DPP10: variants seen among roughly 807,000 people sequenced by gnomAD.
The protein encoded by DPP10 is inactive dipeptidyl peptidase 10.
DPP10 carries 33 observed loss-of-function variants against 120.9 expected under a neutral mutation model. That is an observed-to-expected ratio of 0.27 (90% CI 0.21 to 0.37). The LOEUF (loss-of-function observed/expected upper bound fraction) is 0.37, where lower values mean the gene tolerates loss of function less well. Among genes scored for constraint, DPP10 ranks in the 10% least tolerant of loss-of-function variants. DPP10 has a pLI of 1.00. For synonymous variants in DPP10, 337 were observed against 326.1 expected, an observed-to-expected ratio of 1.03 and a Z score of -0.36; for missense variants, 816 against 942.8, an observed-to-expected ratio of 0.87 and a Z score of 1.76.
chr2:115,674,984 T>G (rs1218306039), intron 5 of DPP10, among the ~76,000 whole-genome samples: 1 of 152,210 alleles, frequency 6.6e-6, no homozygotes, highest in African/African-American at 2.4e-5. Flanking sequence ...ACATTAATCT[T>G]TATAGATGTC....
At chr2:115,566,915 A>G (rs953999541) in intron 5 of DPP10, among the ~76,000 whole-genome samples, 6 of 152,096 alleles carry the variant, frequency 3.9e-5, no homozygotes, top group African/African-American at 1.4e-4. Context: ...CTGTGTTTTT[A>G]TATTCCTACT....
At chr2:115,473,496 C>T (rs1015806476) in intron 3 of DPP10, among the ~76,000 whole-genome samples, 3 of 152,148 alleles carry the variant, frequency 2.0e-5, no homozygotes, top group South Asian at 4.1e-4. Context: ...AGCCCAATTA[C>T]ATTCTTGGCA....
chr2:114,504,000 A>C (rs1239777541), intron 1 of DPP10, among the ~76,000 whole-genome samples: 6 of 152,220 alleles, frequency 3.9e-5, no homozygotes, highest in Non-Finnish European at 5.9e-5. Flanking sequence ...GATATGTTTT[A>C]ACCAAGTGTA....
intron 1 of DPP10, among the ~76,000 whole-genome samples, chr2:114,720,497 C>T (rs148773183): frequency 6.6e-5 from 10 of 152,168 alleles, no homozygotes; most frequent in Non-Finnish European, 2.9e-5. Context: ...CTAAATAAAA[C>T]ACATTTTCCT....
chr2:114,857,619 G>T (rs1689474005), intron 1 of DPP10, among the ~76,000 whole-genome samples: 1 of 152,218 alleles, frequency 6.6e-6, no homozygotes, highest in South Asian at 2.1e-4. Context: ...TTTTGGGAGA[G>T]GATTTTGGAC....
At chr2:115,323,470 T>C in intron 2 of DPP10, among the ~76,000 whole-genome samples, 1 of 152,206 alleles carries the variant, frequency 6.6e-6, no homozygotes, top group East Asian at 1.9e-4. Context: ...CAAACTCCTG[T>C]TAATGTTGAT....
chr2:115,371,544 G>A (rs1039143916), intron 3 of DPP10, among the ~76,000 whole-genome samples: 1 of 151,816 alleles, frequency 6.6e-6, no homozygotes. Flanking sequence ...TGATTGTTCT[G>A]CCCTTTTCAA....
At chr2:114,976,259 C>T (rs1191090938) in intron 1 of DPP10, among the ~76,000 whole-genome samples, 1 of 151,992 alleles carries the variant, frequency 6.6e-6, no homozygotes, top group African/African-American at 2.4e-5. Flanking sequence ...TCTACCTTCC[C>T]TCTGATTTTG....
chr2:114,800,459 C>G (rs983487387), intron 1 of DPP10, among the ~76,000 whole-genome samples: 2 of 152,094 alleles, frequency 1.3e-5, no homozygotes, highest in Non-Finnish European at 2.9e-5. Flanking sequence ...ACTTCACATA[C>G]GAGGAATGCT....
intron 13 of DPP10, among the ~76,000 whole-genome samples, chr2:115,775,830 GC>G (rs1386504957): frequency 6.6e-6 from 1 of 151,916 alleles, no homozygotes; most frequent in Non-Finnish European, 1.5e-5. Context: ...GAACAGAAAT[GC>G]AAAATTTACT....
At chr2:115,645,207 T>TTA (rs1182695457) in intron 5 of DPP10, among the ~76,000 whole-genome samples, 2 of 152,200 alleles carry the variant, frequency 1.3e-5, no homozygotes, top group Admixed American at 1.3e-4. Context: ...TTTCCTTATG[T>TTA]TATAGGCCAA....
At chr2:115,615,610 A>G (rs1472428206) in intron 5 of DPP10, among the ~76,000 whole-genome samples, 1 of 152,210 alleles carries the variant, frequency 6.6e-6, no homozygotes, top group Non-Finnish European at 1.5e-5. Flanking sequence ...TATAAATAAA[A>G]TATAAAAACA....
intron 1 of DPP10, among the ~76,000 whole-genome samples, chr2:115,287,436 A>G (rs2060448564): frequency 6.6e-6 from 1 of 151,846 alleles, no homozygotes; most frequent in Non-Finnish European, 1.5e-5. Context: ...TTCATCCCTC[A>G]CCTCCCTCCT....
chr2:114,969,264 C>T (rs1254953886), intron 1 of DPP10, among the ~76,000 whole-genome samples: 2 of 152,128 alleles, frequency 1.3e-5, no homozygotes, highest in Admixed American at 1.3e-4. Context: ...AAAAACAGAA[C>T]TACATAATAC....
At chr2:115,422,850 T>C (rs1002718761) in intron 3 of DPP10, among the ~76,000 whole-genome samples, 2 of 152,144 alleles carry the variant, frequency 1.3e-5, no homozygotes, top group South Asian at 2.1e-4. Context: ...CTTTTTAATA[T>C]CTACATAAGG....
chr2:114,619,825 A>G (rs1693962272), intron 1 of DPP10, among the ~76,000 whole-genome samples: 1 of 151,854 alleles, frequency 6.6e-6, no homozygotes. Flanking sequence ...GTGGAGGGAC[A>G]ATTTCTATAA....
chr2:115,611,124 C>T (rs1369829533), intron 5 of DPP10, among the ~76,000 whole-genome samples: 1 of 152,074 alleles, frequency 6.6e-6, no homozygotes, highest in Non-Finnish European at 1.5e-5. Flanking sequence ...TTTTTAAAAT[C>T]TTCATGCAGG....
At chr2:115,192,394 G>A (rs2054946353) in intron 1 of DPP10, among the ~76,000 whole-genome samples, 2 of 152,184 alleles carry the variant, frequency 1.3e-5, no homozygotes, top group African/African-American at 2.4e-5. Flanking sequence ...CTAAGCAATT[G>A]TCTGTAACCA....
At chr2:114,660,410 G>A (rs888151508) in intron 1 of DPP10, among the ~76,000 whole-genome samples, 2 of 152,132 alleles carry the variant, frequency 1.3e-5, no homozygotes, top group African/African-American at 4.8e-5. Context: ...TCACACAAGA[G>A]GTGTAGTGTC....
Sources: gnomAD v4.1 joint callset for allele counts (sites outside exome capture counted in the v4.1 genomes callset) on GRCh38, gnomAD v4.1.1 for gene constraint, MANE v1.5 for transcripts, NCBI Gene and HGNC (gene_info 2026-07-23, HGNC 2026-07-21) for gene names.